The following ARB2A variants were observed in gnomAD, a reference collection of about 807,000 sequenced individuals.
ARB2A encodes cotranscriptional regulator ARB2A.
At chr5:93,620,557 G>C in the ARB2A span, 1 of 156,228 alleles carries the variant, frequency 6.4e-6, no homozygotes, top group Non-Finnish European at 1.4e-5. Context: ...TGGAATAGAA[G>C]TTTGCTCCAG....
At chr5:94,026,953 T>G in the ARB2A span, among the ~76,000 whole-genome samples, 2 of 152,190 alleles carry the variant, frequency 1.3e-5, no homozygotes. Context: ...TACTGAAGTC[T>G]CAATCATCAC....
At chr5:94,106,288 C>T in the ARB2A span, among the ~76,000 whole-genome samples, 1 of 150,982 alleles carries the variant, frequency 6.6e-6, no homozygotes, top group East Asian at 1.9e-4. Flanking sequence ...AATTAAAAAG[C>T]AAAAAAACCC....
At chr5:94,050,560 C>A in the ARB2A span, among the ~76,000 whole-genome samples, 1 of 150,880 alleles carries the variant, frequency 6.6e-6, no homozygotes, top group South Asian at 2.1e-4. Context: ...AACTTTTAAA[C>A]TGAGAATATG....
chr5:94,026,608 G>A, the ARB2A span, among the ~76,000 whole-genome samples: 7 of 152,308 alleles, frequency 4.6e-5, no homozygotes, highest in East Asian at 1.2e-3. Flanking sequence ...ACAGTGTAAA[G>A]AACCAATTAG....
chr5:93,778,546 T>C, the ARB2A span, among the ~76,000 whole-genome samples: 5 of 152,168 alleles, frequency 3.3e-5, no homozygotes, highest in Non-Finnish European at 7.4e-5. Flanking sequence ...TGACTTTCTC[T>C]TTCTCTCTCT....
chr5:93,819,433 A>G, the ARB2A span, among the ~76,000 whole-genome samples: 2 of 152,150 alleles, frequency 1.3e-5, no homozygotes, highest in African/African-American at 4.8e-5. Context: ...ATTTATTTTT[A>G]CTGAATTACC....
chr5:93,889,622 A>T, the ARB2A span, among the ~76,000 whole-genome samples: 2 of 151,876 alleles, frequency 1.3e-5, no homozygotes, highest in South Asian at 2.1e-4. Flanking sequence ...AAATATTAAT[A>T]ATTTATATTG....
the ARB2A span, among the ~76,000 whole-genome samples, chr5:93,631,146 A>G: frequency 6.6e-6 from 1 of 151,828 alleles, no homozygotes. Context: ...CAACCTCCCA[A>G]AGTGTTGGGA....
At chr5:93,849,481 G>A in the ARB2A span, among the ~76,000 whole-genome samples, 5 of 151,604 alleles carry the variant, frequency 3.3e-5, no homozygotes, top group South Asian at 4.2e-4. Context: ...ACACACACAC[G>A]CAGGATACAT....
the ARB2A span, among the ~76,000 whole-genome samples, chr5:93,997,507 G>A: frequency 6.6e-6 from 1 of 151,928 alleles, no homozygotes; most frequent in Non-Finnish European, 1.5e-5. Context: ...GAATAATGTA[G>A]TCTACATACT....
At chr5:93,771,701 A>G in the ARB2A span, among the ~76,000 whole-genome samples, 2 of 152,252 alleles carry the variant, frequency 1.3e-5, no homozygotes, top group Non-Finnish European at 2.9e-5. Flanking sequence ...AAACACATGA[A>G]AAAATGCTCA....
At chr5:94,056,946 T>C in the ARB2A span, among the ~76,000 whole-genome samples, 11 of 152,318 alleles carry the variant, frequency 7.2e-5, no homozygotes, top group South Asian at 1.4e-3. Context: ...CCTCCTCAAT[T>C]TGTATGAGCC....
At chr5:93,865,474 T>C in the ARB2A span, 7 of 985,306 alleles carry the variant, frequency 7.1e-6, no homozygotes, top group Non-Finnish European at 6.0e-6. Context: ...ACATAATCGA[T>C]GAAGGTATAC....
the ARB2A span, among the ~76,000 whole-genome samples, chr5:93,989,597 C>T: frequency 2.0e-5 from 3 of 151,820 alleles, no homozygotes; most frequent in Non-Finnish European, 2.9e-5. Context: ...CCCTGTGGAC[C>T]AAAAGGAAAA....
chr5:94,071,532 T>C, the ARB2A span, among the ~76,000 whole-genome samples: 1 of 151,982 alleles, frequency 6.6e-6, no homozygotes, highest in African/African-American at 2.4e-5. Flanking sequence ...TAAAGAACTA[T>C]CAAAACTCAA....
chr5:93,901,754 C>T, the ARB2A span, among the ~76,000 whole-genome samples: 9 of 152,148 alleles, frequency 5.9e-5, no homozygotes, highest in East Asian at 1.4e-3. Flanking sequence ...TTAATTCTAA[C>T]ATGATCAATG....
At chr5:94,013,367 G>A in the ARB2A span, among the ~76,000 whole-genome samples, 26 of 151,826 alleles carry the variant, frequency 1.7e-4, no homozygotes, top group African/African-American at 5.6e-4. Context: ...TAGTAGAGAC[G>A]GAGTTTCACC....
the ARB2A span, among the ~76,000 whole-genome samples, chr5:94,058,985 T>C: frequency 6.6e-6 from 1 of 152,098 alleles, no homozygotes; most frequent in Non-Finnish European, 1.5e-5. Flanking sequence ...TGTAACATAC[T>C]GGTACCCCTT....
At chr5:93,774,937 T>G in the ARB2A span, among the ~76,000 whole-genome samples, 1 of 152,188 alleles carries the variant, frequency 6.6e-6, no homozygotes, top group South Asian at 2.1e-4. Flanking sequence ...GCTAATTCAG[T>G]GTTTTCAGTG....
Sources: allele counts gnomAD v4.1 joint callset (sites outside exome capture counted in the v4.1 genomes callset), GRCh38; gene constraint gnomAD v4.1.1; transcripts MANE v1.5; gene names NCBI Gene and HGNC (gene_info 2026-07-23, HGNC 2026-07-21).